The following GABRA2 variants were observed in gnomAD, a reference collection of about 807,000 sequenced individuals.
GABRA2 encodes gamma-aminobutyric acid receptor subunit alpha-2.
Under a neutral mutation model 48.7 loss-of-function variants are expected in GABRA2, and 16 were observed. The ratio of observed to expected loss-of-function variants is 0.33; its 90% CI spans 0.22 to 0.50. The LOEUF is 0.50. Ranked by LOEUF, GABRA2 falls within the 20% of genes least tolerant of loss-of-function variation. GABRA2 has a pLI of 0.98. For missense variants in GABRA2, 275 were observed against 535.6 expected (o/e 0.51, Z 4.80); for synonymous variants, 185 against 184.5 (o/e 1.00, Z -0.02).
At chr4:46,304,027 T>C (rs1726208101) in intron 7 of GABRA2, among the ~76,000 whole-genome samples, 1 of 152,200 alleles carries the variant, frequency 6.6e-6, no homozygotes, top group East Asian at 1.9e-4. Context: ...TTTTTGTTTT[T>C]TTTTAATTTG....
At chr4:46,300,008 T>G (rs1225799853) in intron 8 of GABRA2, among the ~76,000 whole-genome samples, 2 of 151,948 alleles carry the variant, frequency 1.3e-5, no homozygotes, top group African/African-American at 2.4e-5. Context: ...TATTATAAAG[T>G]AGTTCCCCAT....
chr4:46,288,377 T>C lies in GABRA2; in HGVS notation c.856+15083A>G, dbSNP rs558806097. 6.6e-5 allele frequency among the ~76,000 whole-genome samples: 10 copies of C among 152,266 alleles called. No homozygotes were observed. The South Asian group carries it at 2.1e-3, about 32-fold the overall frequency. ...TTTTGAGCTGAGACTATGAGGTTTTTCAGAAATAGGATGATGTCAACTGCA... is the reference window on the plus strand; with the variant it reads ...TTTTGAGCTGAGACTATGAGGTTTTCCAGAAATAGGATGATGTCAACTGCA... On this transcript the variant is annotated intron_variant, in intron 8 of 9. Coordinates refer to ENST00000381620, the MANE Select transcript of GABRA2 (RefSeq NM_000807.4).
intron 9 of GABRA2, among the ~76,000 whole-genome samples, chr4:46,251,600 G>A (rs1714773236): frequency 6.6e-6 from 1 of 151,148 alleles, no homozygotes; most frequent in Non-Finnish European, 1.5e-5. Context: ...CTCTTATTTT[G>A]GTCTTGGTTT....
chr4:46,290,771 A>C (rs545983581), intron 8 of GABRA2, among the ~76,000 whole-genome samples: 2 of 152,194 alleles, frequency 1.3e-5, no homozygotes, highest in Non-Finnish European at 2.9e-5. Flanking sequence ...GTGACCTTTC[A>C]GAAATGTCAC....
intron 3 of GABRA2, among the ~76,000 whole-genome samples, chr4:46,349,701 G>A (rs1734797696): frequency 6.6e-6 from 1 of 151,818 alleles, no homozygotes; most frequent in Non-Finnish European, 1.5e-5. Context: ...GTCTCAAAAA[G>A]AAACTCAGTA....
rs1714058056 is a variant in GABRA2 at position 46,248,136 on chromosome 4, T to C, written c.*2172A>G. On this transcript the variant is annotated 3_prime_UTR_variant, in exon 10 of 10. Coordinates refer to ENST00000381620, the MANE Select transcript of GABRA2 (RefSeq NM_000807.4). ...AGAAACTGTTATTTACAACTGTTTT[T>C]ACATATACACATATTTATAAATTTA... 6.6e-6 allele frequency among the ~76,000 whole-genome samples: 1 copy of C among 151,310 alleles called. No homozygotes were observed. Among genetic ancestry groups the C allele is most frequent in the Non-Finnish European group, 1.5e-5 (1 of 67,524 alleles).
Position 46,283,859 on chromosome 4 carries a change from A to G in GABRA2, c.856+19601T>C, listed in dbSNP as rs367658443. Among the ~76,000 whole-genome samples the G allele has an allele frequency of 9.2e-5, 14 of 152,294 alleles. No homozygotes were observed. The East Asian group carries it at 2.7e-3, about 30-fold the overall frequency. On this transcript the variant is annotated intron_variant, in intron 8 of 9. Transcript: ENST00000381620. ...ACTGCCAGCTCCGCCTCCTGGGTTC[A>G]TGCCATTCTCCTGCCTCAGCCTCCC...
intron 8 of GABRA2, among the ~76,000 whole-genome samples, chr4:46,270,041 A>G (rs1336405081): frequency 1.3e-5 from 2 of 151,966 alleles, no homozygotes; most frequent in Admixed American, 1.3e-4. Context: ...GTAAGCCCAA[A>G]TTATGGCAAA....
intron 3 of GABRA2, among the ~76,000 whole-genome samples, chr4:46,371,563 T>C (rs1484290214): frequency 1.3e-5 from 2 of 151,588 alleles, no homozygotes; most frequent in African/African-American, 4.9e-5. Context: ...AGATTAGTTT[T>C]AATTTTTTCT....
intron 8 of GABRA2, among the ~76,000 whole-genome samples, chr4:46,267,569 T>C (rs528184036): frequency 6.6e-6 from 1 of 152,168 alleles, no homozygotes; most frequent in African/African-American, 2.4e-5. Flanking sequence ...TACTGTAATG[T>C]GGCAAATCTG....
intron 4 of GABRA2, among the ~76,000 whole-genome samples, chr4:46,320,360 A>G (rs913349930): frequency 1.3e-5 from 2 of 151,876 alleles, no homozygotes; most frequent in African/African-American, 2.4e-5. Context: ...AGGCTCTTTG[A>G]CATTGATCTT....
chr4:46,290,802 CTA>C (rs1723479175), intron 8 of GABRA2, among the ~76,000 whole-genome samples: 1 of 152,042 alleles, frequency 6.6e-6, no homozygotes, highest in African/African-American at 2.4e-5. Flanking sequence ...TAATTTGTGA[CTA>C]TGTGACAAAT....
At chr4:46,264,418 A>C (rs938754525) in intron 8 of GABRA2, among the ~76,000 whole-genome samples, 2 of 151,960 alleles carry the variant, frequency 1.3e-5, no homozygotes, top group Non-Finnish European at 2.9e-5. Flanking sequence ...AGAAACTTTA[A>C]TCCTTCACCT....
intron 3 of GABRA2, among the ~76,000 whole-genome samples, chr4:46,346,480 T>C (rs1734159218): frequency 1.3e-5 from 2 of 151,504 alleles, no homozygotes; most frequent in African/African-American, 2.4e-5. Context: ...CTTTGATATA[T>C]TGTAATGATT....
chr4:46,323,713 A>C (rs1395886860), intron 4 of GABRA2, among the ~76,000 whole-genome samples: 1 of 151,846 alleles, frequency 6.6e-6, no homozygotes, highest in East Asian at 2.0e-4. Flanking sequence ...GAAGATTTTC[A>C]TAAGCCTGTG....
chr4:46,266,940 T>C (rs986657501), intron 8 of GABRA2, among the ~76,000 whole-genome samples: 1 of 152,020 alleles, frequency 6.6e-6, no homozygotes, highest in Non-Finnish European at 1.5e-5. Flanking sequence ...TCCAGGCTGG[T>C]CCTGAACTCC....
At position 46,243,656 on chromosome 4, in the gene GABRA2, A is replaced by T. The variant is rs1373708604; in HGVS notation, c.*6652T>A. On this transcript the variant is annotated 3_prime_UTR_variant, in exon 10 of 10. Coordinates refer to ENST00000381620, the MANE Select transcript of GABRA2 (RefSeq NM_000807.4). The stretch of plus-strand genomic sequence containing the variant: ...AAGCATGACATATTCAATAAAGGTC[A>T]TATGATCAACTAGTGGCCTTTCCCA... 6.6e-6 allele frequency: 1 copy of T among 151,520 alleles called. No homozygotes were observed. The highest frequency in any genetic ancestry group is 1.5e-5 in the Non-Finnish European group (1 of 67,604). 9.4% of individuals were successfully genotyped at this position (151,520 alleles called of 1,614,324 possible). A position where few individuals can be genotyped will look rare whatever the true frequency, so the allele number is the denominator to read the frequency against.
In GABRA2 at chr4:46,245,907, TAAAC is replaced by T. The variant is rs202112043; in HGVS notation, c.*4397_*4400del. Among the ~76,000 whole-genome samples, 140 of 151,274 alleles carry T rather than the reference TAAAC, an allele frequency of 9.3e-4. 2 individuals are homozygous for T. The East Asian group carries it at 0.025, about 27-fold the overall frequency. On this transcript the variant is annotated 3_prime_UTR_variant, in exon 10 of 10. Coordinates refer to ENST00000381620, the MANE Select transcript of GABRA2 (RefSeq NM_000807.4). The stretch of plus-strand genomic sequence containing the variant: ...ACCTTTATAAGTATTTCTTCATATA[TAAAC>T]AAACAAAAATAGAATATTTCAACTT...
intron 3 of GABRA2, among the ~76,000 whole-genome samples, chr4:46,357,667 T>C (rs1417175310): frequency 7.8e-6 from 1 of 128,282 alleles, no homozygotes; most frequent in Non-Finnish European, 1.6e-5. Context: ...ATTTTCTTTC[T>C]TTTTTTTTTT....
Sources: gnomAD v4.1 joint callset for allele counts (sites outside exome capture counted in the v4.1 genomes callset) on GRCh38, gnomAD v4.1.1 for gene constraint, MANE v1.5 for transcripts, NCBI Gene and HGNC (gene_info 2026-07-23, HGNC 2026-07-21) for gene names.